The following NRXN3 variants were observed in gnomAD, a reference collection of about 807,000 sequenced individuals.
NRXN3 encodes the protein neurexin III.
NRXN3 carries 32 observed loss-of-function variants against 137.6 expected under a neutral mutation model. The ratio of observed to expected loss-of-function variants is 0.23; its 90% CI spans 0.18 to 0.31. The LOEUF is 0.31. Ranked by LOEUF, NRXN3 falls within the 10% of genes least tolerant of loss-of-function variation. NRXN3 has a pLI of 1.00. For synonymous variants in NRXN3, 798 were observed against 784.5 expected (o/e 1.02, Z -0.29); for missense variants, 1,574 against 2,062.5 (o/e 0.76, Z 4.59).
chr14:78,850,715 C>A (rs2099040273), intron 10 of NRXN3, among the ~76,000 whole-genome samples: 1 of 152,024 alleles, frequency 6.6e-6, no homozygotes, highest in South Asian at 2.1e-4. Context: ...TAATTTAGAT[C>A]ATGTGACCGA....
chr14:79,593,426 C>T (rs963367611), intron 16 of NRXN3, among the ~76,000 whole-genome samples: 1 of 151,852 alleles, frequency 6.6e-6, no homozygotes, highest in Non-Finnish European at 1.5e-5. Flanking sequence ...GTCAGGAGAT[C>T]GAGACCATCC....
intron 15 of NRXN3, among the ~76,000 whole-genome samples, chr14:79,084,030 C>T (rs2047581516): frequency 6.6e-6 from 1 of 152,156 alleles, no homozygotes; most frequent in East Asian, 1.9e-4. Flanking sequence ...CCACCTCAGC[C>T]TCCTGAGTAG....
chr14:78,300,828 TA>T, intron 4 of NRXN3: 1 of 652,546 alleles, frequency 1.5e-6, no homozygotes, highest in East Asian at 2.7e-5. Context: ...AAAATAAGAA[TA>T]AAAATAAAAA....
intron 15 of NRXN3, among the ~76,000 whole-genome samples, chr14:79,174,633 TAAA>T (rs200938930): frequency 1.4e-5 from 2 of 140,218 alleles, no homozygotes; most frequent in Non-Finnish European, 1.6e-5. Flanking sequence ...TGCGGTGGTT[TAAA>T]AAAAAAAAAA....
chr14:78,248,303 C>CA (rs1491400434), intron 2 of NRXN3, among the ~76,000 whole-genome samples: 1 of 14,452 alleles, frequency 6.9e-5, no homozygotes, highest in Non-Finnish European at 3.8e-4. Context: ...CCGCCCCCCG[C>CA]CCCCCCCCCC....
chr14:79,793,893 A>G (rs1365529758), intron 19 of NRXN3, among the ~76,000 whole-genome samples: 1 of 152,192 alleles, frequency 6.6e-6, no homozygotes, highest in Non-Finnish European at 1.5e-5. Flanking sequence ...CCATATATGC[A>G]TGTGTCTTTT....
intron 1 of NRXN3, chr14:78,231,529 C>T (rs2065394120): frequency 6.6e-6 from 1 of 152,212 alleles, no homozygotes. Context: ...TTGTCCTTGG[C>T]TACACATAGG....
At chr14:78,506,926 A>G (rs183106944) in intron 4 of NRXN3, among the ~76,000 whole-genome samples, 271 of 152,078 alleles carry the variant, frequency 1.8e-3, no homozygotes, top group Non-Finnish European at 2.9e-3. Flanking sequence ...GTTTTTGGAG[A>G]AATATCTGTT....
chr14:78,259,502 C>T (rs1262763146), intron 2 of NRXN3, among the ~76,000 whole-genome samples: 2 of 151,962 alleles, frequency 1.3e-5, no homozygotes, highest in East Asian at 3.9e-4. Flanking sequence ...CTCTAGGGAT[C>T]GAGGGAAGAA....
chr14:78,815,103 ATTAT>A (rs2098927886), intron 10 of NRXN3, among the ~76,000 whole-genome samples: 1 of 152,122 alleles, frequency 6.6e-6, no homozygotes, highest in Non-Finnish European at 1.5e-5. Flanking sequence ...TATAAGCCTG[ATTAT>A]TTAGGTATAT....
intron 15 of NRXN3, among the ~76,000 whole-genome samples, chr14:79,374,687 A>T (rs1474628106): frequency 1.3e-5 from 2 of 152,036 alleles, no homozygotes; most frequent in African/African-American, 4.8e-5. Flanking sequence ...AGTATCTCTA[A>T]AACTCACCCA....
At chr14:78,948,314 G>T (rs2099372807) in intron 10 of NRXN3, among the ~76,000 whole-genome samples, 1 of 152,154 alleles carries the variant, frequency 6.6e-6, no homozygotes, top group African/African-American at 2.4e-5. Flanking sequence ...TTATTCATTG[G>T]CTCCCTTCCC....
chr14:78,852,976 A>G (rs1366405591), intron 10 of NRXN3, among the ~76,000 whole-genome samples: 1 of 152,032 alleles, frequency 6.6e-6, no homozygotes, highest in Non-Finnish European at 1.5e-5. Flanking sequence ...ACTTAACATA[A>G]TGACCCCCAG....
At position 79,486,960 on chromosome 14, in the gene NRXN3, T is replaced by TCTCTCTCTCTCC. The variant is rs1365006345; in HGVS notation, c.3444+19559_3444+19560insTCTCTCTCTCCC. On this transcript the variant is annotated intron_variant, in intron 16 of 20. Transcript: ENST00000335750. ...CTCTCTCTCTCTCTCTCTCTCTCTC[T>TCTCTCTCTCTCC]CCCACACACACACACCCCAAGATAA... is the stretch of plus-strand genomic sequence containing the variant. 2.2e-3 allele frequency among the ~76,000 whole-genome samples: 250 copies of TCTCTCTCTCTCC among 112,082 alleles called. 3 individuals are homozygous for TCTCTCTCTCTCC. Among genetic ancestry groups the TCTCTCTCTCTCC allele is most frequent in the African/African-American group, 7.7e-3 (220 of 28,552 alleles). The allele number at this position is 112,082 out of a possible 152,430, so 73.5% of individuals were successfully genotyped here.
Position 79,781,307 on chromosome 14 carries a change from G to T in NRXN3, c.4015-23805G>T, listed in dbSNP as rs10146300. On this transcript the variant is annotated intron_variant, in intron 19 of 20. Transcript: ENST00000335750. ...AGAAAAATATATTTTGTGAAGAATA[G>T]GTATGAGGTAGAGAAATTAGTGGTA... is the stretch of plus-strand genomic sequence containing the variant. Among the ~76,000 whole-genome samples, 1,481 of 152,258 alleles carry T rather than the reference G, an allele frequency of 9.7e-3. 32 individuals carry two copies. Among genetic ancestry groups the T allele is most frequent in the South Asian group, 0.042 (202 of 4,822 alleles).
At chr14:79,716,233 G>A (rs2098823275) in intron 19 of NRXN3, among the ~76,000 whole-genome samples, 2 of 152,156 alleles carry the variant, frequency 1.3e-5, no homozygotes, top group Admixed American at 6.5e-5. Context: ...ATCATTTAAG[G>A]CAATGCCTCA....
intron 12 of NRXN3, among the ~76,000 whole-genome samples, 178 bp downstream of exon 12, chr14:78,966,584 G>A (rs1437283460): frequency 6.6e-6 from 1 of 152,162 alleles, no homozygotes; most frequent in Admixed American, 6.5e-5. Context: ...AAGGAGAGAG[G>A]CTCATGATTT....
chr14:79,185,457 A>G (rs1383874866), intron 15 of NRXN3, among the ~76,000 whole-genome samples: 3 of 134,740 alleles, frequency 2.2e-5, no homozygotes, highest in Non-Finnish European at 3.1e-5. Flanking sequence ...GAGCAATTTC[A>G]CACTTGGGAA....
intron 19 of NRXN3, among the ~76,000 whole-genome samples, chr14:79,715,224 A>C (rs2154056132): frequency 6.6e-6 from 1 of 152,266 alleles, no homozygotes; most frequent in South Asian, 2.1e-4. Flanking sequence ...AAGAGCTGGG[A>C]TTACAGGCGT....
Sources: allele counts gnomAD v4.1 joint callset (sites outside exome capture counted in the v4.1 genomes callset), GRCh38; gene constraint gnomAD v4.1.1; transcripts MANE v1.5; gene names NCBI Gene and HGNC (gene_info 2026-07-23, HGNC 2026-07-21).